Variants in ZNF680 observed in about 807,000 individuals in gnomAD.
ZNF680 encodes the protein hypothetical protein FLJ90430.
A neutral mutation model predicts 12.1 loss-of-function variants in ZNF680; 6 were observed. The ratio of observed to expected loss-of-function variants is 0.49; its 90% CI spans 0.27 to 0.98. The LOEUF is 0.98. Among genes scored for constraint, ZNF680 ranks in the 50% least tolerant of loss-of-function variants. ZNF680 has a pLI of 0.12. For synonymous variants in ZNF680, 170 were observed against 199.3 expected, an observed-to-expected ratio of 0.85 and a Z score of 1.24; for missense variants, 561 against 616.3, an observed-to-expected ratio of 0.91 and a Z score of 0.95.
chr7:64,547,247 G>A (rs1178662298), intron 1 of ZNF680, among the ~76,000 whole-genome samples: 1 of 152,122 alleles, frequency 6.6e-6, no homozygotes, highest in Non-Finnish European at 1.5e-5. Flanking sequence ...TGCTCTTCCT[G>A]GGCTCATTAT....
At chr7:64,551,527 G>A (rs926955023) in intron 1 of ZNF680, 1 of 160,952 alleles carries the variant, frequency 6.2e-6, no homozygotes, top group Non-Finnish European at 1.3e-5. Flanking sequence ...TGCAGGAGGA[G>A]AGCCTGCAGG....
chr7:64,523,490 GA>G (rs1361191225), intron 3 of ZNF680, among the ~76,000 whole-genome samples: 2 of 151,864 alleles, frequency 1.3e-5, no homozygotes, highest in Non-Finnish European at 2.9e-5. Context: ...AGACAAAAAA[GA>G]ATCAAATAAA....
At chr7:64,557,553 TCAAAAAAA>T (rs1787486973) in intron 1 of ZNF680, among the ~76,000 whole-genome samples, 1 of 126,328 alleles carries the variant, frequency 7.9e-6, no homozygotes, top group Non-Finnish European at 1.6e-5. Context: ...AGGGTCCGTC[TCAAAAAAA>T]CAAAAAAACA....
intron 1 of ZNF680, chr7:64,561,200 A>G (rs7788788): frequency 0.22 from 34,853 of 155,326 alleles, 4,122 homozygotes; most frequent in South Asian, 0.28. Flanking sequence ...GGAAGAGTGC[A>G]CCAGGAGATT....
chr7:64,551,148 G>A (rs770850150), intron 1 of ZNF680, among the ~76,000 whole-genome samples: 2 of 152,076 alleles, frequency 1.3e-5, no homozygotes, highest in African/African-American at 2.4e-5. Flanking sequence ...GAGGCCATCC[G>A]TGTATGTTAA....
the ZNF680 span, chr7:64,501,566 G>A: frequency 5.3e-6 from 4 of 759,906 alleles, no homozygotes; most frequent in Non-Finnish European, 9.6e-6. Context: ...AGATTAATGT[G>A]AAGTCTGAGG....
downstream of ZNF680, among the ~76,000 whole-genome samples, chr7:64,517,417 C>G (rs187216290): frequency 1.3e-5 from 2 of 152,112 alleles, no homozygotes; most frequent in Admixed American, 1.3e-4. Flanking sequence ...AAACCCTGAA[C>G]AGACCAATAA....
chr7:64,545,570 G>A (rs1020265508), intron 1 of ZNF680, among the ~76,000 whole-genome samples: 22 of 152,098 alleles, frequency 1.4e-4, no homozygotes, highest in African/African-American at 5.1e-4. Context: ...CATCACTGCT[G>A]GAAGACTGCC....
rs1422429109 is a variant in ZNF680, at chr7:64,549,706, C to G, written c.31-5274G>C. Among the ~76,000 whole-genome samples the G allele has an allele frequency of 2.6e-5, 4 of 151,600 alleles. 1 individual carries two copies. The highest frequency in any genetic ancestry group is 9.7e-5 in the African/African-American group (4 of 41,274). ...AAAAAAAAAAAACTGAGACACTGGA[C>G]GCAGTGGCTCACACCTGTAATCCCA... is the stretch of plus-strand genomic sequence containing the variant. On this transcript the variant is annotated intron_variant, in intron 1 of 3. Transcript: ENST00000309683.
chr7:64,499,545 CAGG>C, the ZNF680 span, among the ~76,000 whole-genome samples: 9 of 152,320 alleles, frequency 5.9e-5, no homozygotes, highest in East Asian at 1.7e-3. Context: ...ATCACGAGGT[CAGG>C]AGTTCGAGAC....
chr7:64,550,049 T>C (rs182251181), intron 1 of ZNF680, among the ~76,000 whole-genome samples: 178 of 152,284 alleles, frequency 1.2e-3, no homozygotes, highest in Admixed American at 2.5e-3. Context: ...TGGGTCAAGC[T>C]TGAGGATTGT....
At chr7:64,522,714 T>C (rs1391998491) in intron 3 of ZNF680, among the ~76,000 whole-genome samples, 1 of 150,942 alleles carries the variant, frequency 6.6e-6, no homozygotes, top group Non-Finnish European at 1.5e-5. Flanking sequence ...CAAACACATA[T>C]ATAAACACAA....
chr7:64,538,669 A>C, intron 3 of ZNF680, among the ~76,000 whole-genome samples: 1 of 152,196 alleles, frequency 6.6e-6, no homozygotes, highest in Non-Finnish European at 1.5e-5. Flanking sequence ...TTGTTGGTGC[A>C]AAACAAGGAT....
At chr7:64,543,653 C>A in intron 3 of ZNF680, 54 bp downstream of exon 3, 1 of 1,445,702 alleles carries the variant, frequency 6.9e-7, no homozygotes, top group Non-Finnish European at 9.6e-7. Context: ...TTCTCTTTGA[C>A]ATCTGGACCT....
chr7:64,499,486 G>A, the ZNF680 span, among the ~76,000 whole-genome samples: 5 of 152,336 alleles, frequency 3.3e-5, no homozygotes, highest in South Asian at 4.1e-4. Flanking sequence ...AGGTGGGCAC[G>A]GTGGCTGACG....
chr7:64,509,039 C>A, the ZNF680 span, among the ~76,000 whole-genome samples: 2 of 152,136 alleles, frequency 1.3e-5, no homozygotes, highest in African/African-American at 4.8e-5. Flanking sequence ...TACCCTCCCC[C>A]TCTCCATTTG....
At chr7:64,555,311 C>G (rs1234051381) in intron 1 of ZNF680, among the ~76,000 whole-genome samples, 1 of 150,356 alleles carries the variant, frequency 6.7e-6, no homozygotes, top group Non-Finnish European at 1.5e-5. Context: ...ACCACACACA[C>G]AGAGCACAGC....
the ZNF680 span, chr7:64,501,142 G>A: frequency 4.4e-6 from 4 of 913,440 alleles, no homozygotes; most frequent in Admixed American, 7.2e-5. Context: ...GTATGGGTCA[G>A]TAACAGAACA....
At chr7:64,514,811 T>C in the ZNF680 span, among the ~76,000 whole-genome samples, 2 of 152,158 alleles carry the variant, frequency 1.3e-5, no homozygotes, top group African/African-American at 2.4e-5. Flanking sequence ...TGGGAGGCCA[T>C]GGCAGATGGA....
Sources: gnomAD v4.1 joint callset for allele counts (sites outside exome capture counted in the v4.1 genomes callset) on GRCh38, gnomAD v4.1.1 for gene constraint, MANE v1.5 for transcripts, NCBI Gene and HGNC (gene_info 2026-07-23, HGNC 2026-07-21) for gene names.